Variants in ZBTB10 observed in about 807,000 individuals in gnomAD.
The protein encoded by ZBTB10 is zinc finger and BTB domain-containing protein 10.
Under a neutral mutation model 76.4 loss-of-function variants are expected in ZBTB10, and 32 were observed. The ratio of observed to expected loss-of-function variants is 0.42; its 90% CI spans 0.32 to 0.56. ZBTB10 has a LOEUF of 0.56. Among genes scored for constraint, ZBTB10 ranks in the 20% least tolerant of loss-of-function variants. The pLI is 0.14. For synonymous variants in ZBTB10, 523 were observed against 432.9 expected (o/e 1.21, Z -2.58); for missense variants, 1,057 against 1,098.5 (o/e 0.96, Z 0.53).
At chr8:80,513,217 C>T (rs1419535564) in intron 2 of ZBTB10, among the ~76,000 whole-genome samples, 2 of 152,130 alleles carry the variant, frequency 1.3e-5, no homozygotes, top group Non-Finnish European at 2.9e-5. Flanking sequence ...TTTCAGCTCA[C>T]TGTAGCCTCT....
In ZBTB10 at chr8:80,499,636, G is replaced by A; in HGVS notation, c.1115G>A (p.Gly372Glu). ...TGTGATGTCAGCATTGTGGTAAGCG[G>A]AAAAATCTTCAAAGCTCATAAGAAC... ...ILCDVSIVVS[G>E]KIFKAHKNIL... Residue 372 changes from glycine (G) to glutamate (E), a missense_variant, in exon 2 of 6, where the codon GGA (glycine) becomes GAA (glutamate). Physicochemically the swap from Gly to Glu is moderately conservative, Grantham distance 98. Coordinates refer to ENST00000455036, the MANE Select transcript of ZBTB10 (RefSeq NM_001105539.3). The A allele has an allele frequency of 1.2e-6, 2 of 1,613,920 alleles. No individual in the cohort carries two copies. The highest frequency in any genetic ancestry group is 1.7e-6 in the Non-Finnish European group (2 of 1,179,862).
rs184579989 is a variant in ZBTB10, at chr8:80,492,012, C to T, written c.972+4230C>T. On this transcript the variant is annotated intron_variant, in intron 1 of 5. Coordinates refer to ENST00000455036, the MANE Select transcript of ZBTB10 (RefSeq NM_001105539.3). ...AAAGAATGTAAGGCAGATCTATCAG[C>T]CTAATTTGTTTATGGCAGAAATAAG... 2.6e-4 allele frequency among the ~76,000 whole-genome samples: 39 copies of T among 152,140 alleles called. No homozygotes were observed. In the East Asian group the frequency reaches 6.6e-3, roughly 26 times the overall value.
chr8:80,489,137 G>T (rs1298769734), intron 1 of ZBTB10, among the ~76,000 whole-genome samples: 1 of 152,220 alleles, frequency 6.6e-6, no homozygotes, highest in Non-Finnish European at 1.5e-5. Context: ...ACTAGAGCCT[G>T]TAAGGAATGT....
intron 1 of ZBTB10, among the ~76,000 whole-genome samples, chr8:80,492,123 G>A (rs1208596214): frequency 1.3e-5 from 2 of 152,170 alleles, no homozygotes; most frequent in African/African-American, 4.8e-5. Flanking sequence ...AGGAAAAATC[G>A]ATTAGAGTTG....
chr8:80,524,831 A>T lies in ZBTB10; in HGVS notation c.*5303A>T, dbSNP rs1188302472. On this transcript the variant is annotated 3_prime_UTR_variant, in exon 6 of 6. Transcript: ENST00000455036. Reference sequence around the variant, plus strand: ...GATGAAATGGGGCTGCTTCAGAAAAAGGTCTACCACTGGAGATAACGCTAT... The same window carrying T: ...GATGAAATGGGGCTGCTTCAGAAAATGGTCTACCACTGGAGATAACGCTAT... 6.6e-6 allele frequency: 1 copy of T among 152,086 alleles called. No homozygotes were observed. The highest frequency in any genetic ancestry group is 2.4e-5 in the African/African-American group (1 of 41,430). The allele number at this position is 152,086 out of a possible 1,614,324, so 9.4% of individuals were successfully genotyped here. A position where few individuals can be genotyped will look rare whatever the true frequency, so the allele number is the denominator to read the frequency against.
intron 1 of ZBTB10, among the ~76,000 whole-genome samples, chr8:80,493,414 G>A (rs1815695134): frequency 6.6e-6 from 1 of 152,204 alleles, no homozygotes. Flanking sequence ...GCAGTTTTAA[G>A]CAGGGGAGAA....
Position 80,486,415 on chromosome 8 carries a change from C to A in ZBTB10, c.-396C>A. The A allele has an allele frequency of 1.0e-6, 1 of 976,466 alleles. No individual in the cohort carries two copies. The highest frequency in any genetic ancestry group is 1.2e-6 in the Non-Finnish European group (1 of 822,344). The allele number at this position is 976,466 out of a possible 1,614,324, so 60.5% of individuals were successfully genotyped here. Reference sequence around the variant, plus strand: ...TATCTGTGTGGAGGATCGGTGTGTGCGCGCGCGGCTTTAAAGAGGGGGCAG... The same window carrying A: ...TATCTGTGTGGAGGATCGGTGTGTGAGCGCGCGGCTTTAAAGAGGGGGCAG... On this transcript the variant is annotated 5_prime_UTR_variant, in exon 1 of 6. Coordinates refer to ENST00000455036, the MANE Select transcript of ZBTB10 (RefSeq NM_001105539.3).
intron 2 of ZBTB10, among the ~76,000 whole-genome samples, chr8:80,512,088 A>G (rs972848206): frequency 1.3e-5 from 2 of 152,112 alleles, no homozygotes; most frequent in Non-Finnish European, 2.9e-5. Flanking sequence ...CACATTAAAT[A>G]ACATTTACCA....
chr8:80,496,200 G>A (rs1404065273), intron 1 of ZBTB10, among the ~76,000 whole-genome samples: 2 of 152,138 alleles, frequency 1.3e-5, no homozygotes, highest in Non-Finnish European at 2.9e-5. Context: ...CTGGCACTAA[G>A]AATTTATTAA....
At chr8:80,485,954 C>T, upstream of ZBTB10, 1 of 1,462,476 alleles carries the variant, frequency 6.8e-7, no homozygotes, top group Non-Finnish European at 9.2e-7. Context: ...CGTAGCCCGG[C>T]CCCGGCCGCA....
chr8:80,513,397 CT>C (rs565948833), intron 2 of ZBTB10, among the ~76,000 whole-genome samples: 2 of 152,204 alleles, frequency 1.3e-5, no homozygotes, highest in African/African-American at 2.4e-5. Flanking sequence ...CCCACCTCAG[CT>C]TCCTAAAGTG....
chr8:80,490,281 A>G (rs1408417236), intron 1 of ZBTB10, among the ~76,000 whole-genome samples: 1 of 152,030 alleles, frequency 6.6e-6, no homozygotes, highest in African/African-American at 2.4e-5. Context: ...TTTTTTTGAG[A>G]CAGTGACTCT....
At position 80,493,574 on chromosome 8, in the gene ZBTB10, C is replaced by A. The variant is rs1410146827; in HGVS notation, c.972+5792C>A. 3.3e-5 allele frequency among the ~76,000 whole-genome samples: 5 copies of A among 150,476 alleles called. No homozygotes were observed. The East Asian group carries it at 7.9e-4, about 24-fold the overall frequency. On this transcript the variant is annotated intron_variant, in intron 1 of 5. Transcript: ENST00000455036. ...GCTCAGGCCTGTAATCCCAGCACTT[C>A]GGGAGGCCGAGGGGGATGGATCATC...
intron 1 of ZBTB10, among the ~76,000 whole-genome samples, chr8:80,498,093 C>T (rs1815832705): frequency 6.6e-6 from 1 of 152,076 alleles, no homozygotes; most frequent in African/African-American, 2.4e-5. Context: ...TGACATGCAC[C>T]CAAGTAAAGC....
intron 2 of ZBTB10, among the ~76,000 whole-genome samples, chr8:80,505,970 A>C (rs1330812155): frequency 1.3e-5 from 2 of 148,950 alleles, no homozygotes; most frequent in Non-Finnish European, 1.5e-5. Flanking sequence ...TTTGTTGCCA[A>C]GGAGACTGGT....
chr8:80,495,874 GT>G (rs1563458472), intron 1 of ZBTB10, among the ~76,000 whole-genome samples: 1 of 152,064 alleles, frequency 6.6e-6, no homozygotes, highest in Non-Finnish European at 1.5e-5. Flanking sequence ...CCAGACTAAA[GT>G]TTTACTAAAT....
At chr8:80,507,539 C>T (rs981774331) in intron 2 of ZBTB10, among the ~76,000 whole-genome samples, 2 of 151,840 alleles carry the variant, frequency 1.3e-5, no homozygotes, top group African/African-American at 2.4e-5. Context: ...GGCTTGAACC[C>T]GGGAGCAGAG....
chr8:80,521,927 T>C lies in ZBTB10; in HGVS notation c.*2399T>C, dbSNP rs1472316875. On this transcript the variant is annotated 3_prime_UTR_variant, in exon 6 of 6. Transcript: ENST00000455036. ...GCTATATTTTTAGTCAATTGAAATA[T>C]GATACTTTAAAAGTTTGTTTTTAGG... is the stretch of plus-strand genomic sequence containing the variant. The C allele has an allele frequency of 6.6e-6, 1 of 151,896 alleles. No individual in the cohort carries two copies. The highest frequency in any genetic ancestry group is 2.4e-5 in the African/African-American group (1 of 41,446). The allele number at this position is 151,896 out of a possible 1,614,324, so 9.4% of individuals were successfully genotyped here. A position where few individuals can be genotyped will look rare whatever the true frequency, so the allele number is the denominator to read the frequency against.
chr8:80,506,141 G>A (rs1166162328), intron 2 of ZBTB10, among the ~76,000 whole-genome samples: 4 of 152,004 alleles, frequency 2.6e-5, no homozygotes, highest in African/African-American at 9.7e-5. Context: ...CTAGCCTTGA[G>A]TGTATCCCAG....
Sources: allele counts gnomAD v4.1 joint callset (sites outside exome capture counted in the v4.1 genomes callset), GRCh38; gene constraint gnomAD v4.1.1; transcripts MANE v1.5; gene names NCBI Gene and HGNC (gene_info 2026-07-23, HGNC 2026-07-21).